GALNT17: variants seen among roughly 807,000 people sequenced by gnomAD.
GALNT17 encodes polypeptide N-acetylgalactosaminyltransferase 17.
In GALNT17, 29 loss-of-function variants were observed where a neutral mutation model predicts 63.7. The observed-to-expected ratio is 0.46, with a 90% CI of 0.34 to 0.62. GALNT17 has a LOEUF of 0.62. Among genes scored for constraint, GALNT17 ranks in the 20% least tolerant of loss-of-function variants. GALNT17 has a pLI of 0.01. For missense variants in GALNT17, 603 were observed against 799.6 expected, an observed-to-expected ratio of 0.75 and a Z score of 2.97; for synonymous variants, 305 against 318.3, an observed-to-expected ratio of 0.96 and a Z score of 0.45.
intron 7 of GALNT17, 149 bp downstream of exon 7, chr7:71,665,745 T>G: frequency 1.1e-6 from 1 of 921,746 alleles, no homozygotes; most frequent in Middle Eastern, 3.3e-4. Flanking sequence ...CACAGATGTC[T>G]CAGCTTTAGA....
chr7:71,683,824 A>G (rs1233244897), intron 9 of GALNT17, among the ~76,000 whole-genome samples: 1 of 152,098 alleles, frequency 6.6e-6, no homozygotes, highest in African/African-American at 2.4e-5. Flanking sequence ...CCTGGCCAAC[A>G]TGATGAAACC....
chr7:71,518,255 A>G lies in GALNT17; in HGVS notation c.963-53030A>G, dbSNP rs112623156. Among the ~76,000 whole-genome samples the G allele has an allele frequency of 4.5e-3, 682 of 152,320 alleles. 9 individuals are homozygous for G. Among genetic ancestry groups the G allele is most frequent in the African/African-American group, 0.016 (659 of 41,572 alleles). On this transcript the variant is annotated intron_variant, in intron 5 of 10. Coordinates refer to ENST00000333538, the MANE Select transcript of GALNT17 (RefSeq NM_022479.3). ...AATGCTCATCAGTAATTTCTACCTC[A>G]GGCATCTTCTTTCTTATTTTCTACT...
At chr7:71,533,602 G>A (rs919226859) in intron 5 of GALNT17, among the ~76,000 whole-genome samples, 4 of 152,238 alleles carry the variant, frequency 2.6e-5, no homozygotes, top group South Asian at 2.1e-4. Context: ...GGAATAAGGC[G>A]GCATTATCTC....
At chr7:71,386,119 C>A (rs989615365) in intron 2 of GALNT17, among the ~76,000 whole-genome samples, 4 of 152,192 alleles carry the variant, frequency 2.6e-5, no homozygotes, top group Non-Finnish European at 5.9e-5. Flanking sequence ...ATCTCCCTGG[C>A]AGCCCCCAGA....
chr7:71,306,633 T>G (rs927150589), intron 1 of GALNT17, among the ~76,000 whole-genome samples: 1 of 152,190 alleles, frequency 6.6e-6, no homozygotes, highest in African/African-American at 2.4e-5. Flanking sequence ...CAAAAATAAT[T>G]GCTGTTTTTG....
intron 6 of GALNT17, among the ~76,000 whole-genome samples, chr7:71,628,110 TG>T (rs762921769): frequency 4.4e-4 from 61 of 138,376 alleles, no homozygotes; most frequent in Non-Finnish European, 7.9e-4. Flanking sequence ...GAGGTGATAA[TG>T]AAAAAAAAAG....
At chr7:71,294,161 CA>C (rs11378077) in intron 1 of GALNT17, among the ~76,000 whole-genome samples, 11 of 143,142 alleles carry the variant, frequency 7.7e-5, no homozygotes, top group East Asian at 2.1e-4. Flanking sequence ...GACTCCGTCT[CA>C]AAAAAAAAAA....
intron 6 of GALNT17, among the ~76,000 whole-genome samples, chr7:71,592,563 CTAAAATAAAATAAAATAAAATAAAA>C (rs71089963): frequency 1.4e-5 from 1 of 69,954 alleles, no homozygotes; most frequent in African/African-American, 4.7e-5. Flanking sequence ...GCATAGCATA[CTAAAATAAAATAAAATAAAATAAAA>C]TAAAATAAAA....
At chr7:71,434,288 C>T (rs537780851) in intron 5 of GALNT17, among the ~76,000 whole-genome samples, 1 of 152,286 alleles carries the variant, frequency 6.6e-6, no homozygotes, top group East Asian at 1.9e-4. Context: ...AGTCCTGTCC[C>T]TCTAGAGAAC....
At chr7:71,673,132 A>G (rs998162141) in intron 8 of GALNT17, among the ~76,000 whole-genome samples, 8 of 152,202 alleles carry the variant, frequency 5.3e-5, no homozygotes, top group Non-Finnish European at 1.0e-4. Flanking sequence ...TTAAAAAGCA[A>G]TTTGAGCCAC....
intron 7 of GALNT17, 88 bp from the exon 8 acceptor site, chr7:71,669,884 A>C (rs1225487112): frequency 6.5e-7 from 1 of 1,528,258 alleles, no homozygotes; most frequent in East Asian, 2.3e-5. Context: ...TTCTATGTGA[A>C]GGTTTCCCTG....
intron 6 of GALNT17, among the ~76,000 whole-genome samples, chr7:71,655,830 G>T (rs1790820985): frequency 6.6e-6 from 1 of 152,164 alleles, no homozygotes; most frequent in Admixed American, 6.5e-5. Context: ...GCATCAGGGT[G>T]GTTCTGGGTT....
At chr7:71,471,064 T>C (rs981170198) in intron 5 of GALNT17, among the ~76,000 whole-genome samples, 2 of 152,060 alleles carry the variant, frequency 1.3e-5, no homozygotes, top group Non-Finnish European at 2.9e-5. Context: ...GCATTTTTTT[T>C]CCTCTTTTTT....
chr7:71,538,947 T>C (rs945555659), intron 5 of GALNT17, among the ~76,000 whole-genome samples: 1 of 152,038 alleles, frequency 6.6e-6, no homozygotes, highest in Non-Finnish European at 1.5e-5. Context: ...GGGGGGTTTT[T>C]GTTTGTTTTT....
chr7:71,306,652 A>G (rs1436481205), intron 1 of GALNT17, among the ~76,000 whole-genome samples: 1 of 152,150 alleles, frequency 6.6e-6, no homozygotes, highest in Non-Finnish European at 1.5e-5. Flanking sequence ...TGCCATTGAA[A>G]GTAATGGCAA....
chr7:71,707,808 T>C (rs548066232), intron 9 of GALNT17, among the ~76,000 whole-genome samples: 1 of 152,300 alleles, frequency 6.6e-6, no homozygotes, highest in South Asian at 2.1e-4. Flanking sequence ...CATACAAGGC[T>C]AAAAGTCTAG....
At chr7:71,290,757 A>C (rs899534839) in intron 1 of GALNT17, among the ~76,000 whole-genome samples, 3 of 152,104 alleles carry the variant, frequency 2.0e-5, no homozygotes, top group Admixed American at 2.0e-4. Context: ...TCCATTCTCT[A>C]TGATTCCCTG....
chr7:71,519,221 G>A (rs185102722), intron 5 of GALNT17, among the ~76,000 whole-genome samples: 7 of 152,230 alleles, frequency 4.6e-5, no homozygotes, highest in Admixed American at 2.6e-4. Flanking sequence ...TGCAGGATTC[G>A]AGAGGGGTAG....
intron 1 of GALNT17, among the ~76,000 whole-genome samples, chr7:71,252,327 C>A (rs143353304): frequency 0.012 from 1,779 of 151,630 alleles, 29 homozygotes; most frequent in African/African-American, 0.04. Context: ...GAGTTTGAGA[C>A]CAGCCTGGCC....
Sources: gnomAD v4.1 joint callset for allele counts (sites outside exome capture counted in the v4.1 genomes callset) on GRCh38, gnomAD v4.1.1 for gene constraint, MANE v1.5 for transcripts, NCBI Gene and HGNC (gene_info 2026-07-23, HGNC 2026-07-21) for gene names.